Variants in CAMK4 observed in about 807,000 individuals in gnomAD.
CAMK4 encodes calcium/calmodulin dependent protein kinase IV, also known as calcium/calmodulin-dependent protein kinase type IV.
In CAMK4, 22 loss-of-function variants were observed where a neutral mutation model predicts 44.9. That is an observed-to-expected ratio of 0.49 (90% confidence interval 0.35 to 0.70). CAMK4 has a LOEUF of 0.70. Among genes scored for constraint, CAMK4 ranks in the 30% least tolerant of loss-of-function variants. CAMK4 has a pLI of 0.01. For synonymous variants in CAMK4, 218 were observed against 215.4 expected (o/e 1.01, Z -0.11); for missense variants, 498 against 586.8 (o/e 0.85, Z 1.56).
At chr5:111,481,652 T>C (rs906170278) in intron 9 of CAMK4, among the ~76,000 whole-genome samples, 21 of 152,156 alleles carry the variant, frequency 1.4e-4, no homozygotes, top group Non-Finnish European at 3.1e-4. Context: ...TACAGGGAGA[T>C]TGACCACCTT....
intron 1 of CAMK4, among the ~76,000 whole-genome samples, chr5:111,257,538 A>G (rs1749793522): frequency 6.6e-6 from 1 of 152,226 alleles, no homozygotes; most frequent in Non-Finnish European, 1.5e-5. Flanking sequence ...ATGCTTTTAC[A>G]CTGTTGGTGG....
chr5:111,336,023 C>G (rs1030246478), intron 1 of CAMK4, among the ~76,000 whole-genome samples: 111 of 151,308 alleles, frequency 7.3e-4, no homozygotes, highest in African/African-American at 2.6e-3. Context: ...TTCTAGAATT[C>G]CTGTTAAAAC....
At chr5:111,333,138 G>A (rs1749244179) in intron 1 of CAMK4, among the ~76,000 whole-genome samples, 1 of 151,570 alleles carries the variant, frequency 6.6e-6, no homozygotes, top group African/African-American at 2.4e-5. Context: ...TTGAAGGTAT[G>A]GAGATGGAAT....
chr5:111,247,570 A>G (rs1327930048), intron 1 of CAMK4, among the ~76,000 whole-genome samples: 2 of 151,694 alleles, frequency 1.3e-5, no homozygotes, highest in African/African-American at 4.8e-5. Flanking sequence ...TGGGAAGGCT[A>G]GCAAGTCAGA....
At chr5:111,280,334 A>T (rs1219355109) in intron 1 of CAMK4, among the ~76,000 whole-genome samples, 2 of 152,184 alleles carry the variant, frequency 1.3e-5, no homozygotes, top group African/African-American at 4.8e-5. Context: ...CACTGGACAA[A>T]CATTGTGCTG....
At chr5:111,465,759 G>A (rs901016187) in intron 7 of CAMK4, among the ~76,000 whole-genome samples, 1 of 152,150 alleles carries the variant, frequency 6.6e-6, no homozygotes, top group Non-Finnish European at 1.5e-5. Context: ...ATTCACAGCT[G>A]AATTCTATCA....
chr5:111,458,505 A>G (rs1303202944), intron 7 of CAMK4, among the ~76,000 whole-genome samples: 1 of 152,180 alleles, frequency 6.6e-6, no homozygotes, highest in Non-Finnish European at 1.5e-5. Context: ...GCACTGTTGT[A>G]TGTTGTAAAG....
intron 1 of CAMK4, among the ~76,000 whole-genome samples, chr5:111,251,781 T>G (rs907172872): frequency 6.6e-6 from 1 of 152,212 alleles, no homozygotes; most frequent in Non-Finnish European, 1.5e-5. Flanking sequence ...CAATATGTAT[T>G]CACTAATGAA....
chr5:111,369,849 T>C (rs949649205), intron 2 of CAMK4, among the ~76,000 whole-genome samples: 5 of 152,210 alleles, frequency 3.3e-5, no homozygotes, highest in Non-Finnish European at 7.3e-5. Flanking sequence ...ACAGTTGTTA[T>C]ACTGTATTTT....
chr5:111,311,486 G>A (rs1284835371), intron 1 of CAMK4, among the ~76,000 whole-genome samples: 1 of 152,168 alleles, frequency 6.6e-6, no homozygotes, highest in Admixed American at 6.5e-5. Flanking sequence ...AGGAAGGTGG[G>A]TGCAGAAGAG....
At chr5:111,301,144 A>G (rs1305624825) in intron 1 of CAMK4, among the ~76,000 whole-genome samples, 1 of 151,634 alleles carries the variant, frequency 6.6e-6, no homozygotes, top group Non-Finnish European at 1.5e-5. Flanking sequence ...TCCTTAACGT[A>G]CTAGGTCTGG....
chr5:111,475,845 G>A (rs1385045827), intron 8 of CAMK4, among the ~76,000 whole-genome samples: 1 of 152,268 alleles, frequency 6.6e-6, no homozygotes, highest in African/African-American at 2.4e-5. Context: ...TTGGTTTAAT[G>A]TACATTTAGT....
At chr5:111,416,714 A>T (rs541390770) in intron 5 of CAMK4, among the ~76,000 whole-genome samples, 183 of 152,342 alleles carry the variant, frequency 1.2e-3, no homozygotes, top group African/African-American at 4.1e-3. Context: ...CATAGAAGGC[A>T]TTCAAAAACC....
intron 1 of CAMK4, among the ~76,000 whole-genome samples, chr5:111,232,404 G>C (rs975012861): frequency 6.6e-6 from 1 of 152,080 alleles, no homozygotes; most frequent in South Asian, 2.1e-4. Flanking sequence ...TTAATAGGTA[G>C]AGCACTGGCA....
intron 1 of CAMK4, among the ~76,000 whole-genome samples, chr5:111,328,475 G>A (rs1288268156): frequency 6.6e-6 from 1 of 152,082 alleles, no homozygotes; most frequent in Non-Finnish European, 1.5e-5. Flanking sequence ...TTTGGCTTAG[G>A]AGTGACTTGG....
At chr5:111,321,123 G>C (rs1748645179) in intron 1 of CAMK4, among the ~76,000 whole-genome samples, 1 of 152,096 alleles carries the variant, frequency 6.6e-6, no homozygotes, top group Non-Finnish European at 1.5e-5. Flanking sequence ...TGGTTACCAG[G>C]AACTCCCACT....
At chr5:111,232,926 C>T (rs185148431) in intron 1 of CAMK4, among the ~76,000 whole-genome samples, 1 of 152,194 alleles carries the variant, frequency 6.6e-6, no homozygotes, top group African/African-American at 2.4e-5. Flanking sequence ...TGATGCAGCT[C>T]TACCCTCTGC....
At chr5:111,243,183 G>C (rs1341994877) in intron 1 of CAMK4, among the ~76,000 whole-genome samples, 1 of 152,214 alleles carries the variant, frequency 6.6e-6, no homozygotes, top group Admixed American at 6.5e-5. Flanking sequence ...GAAAGATTGG[G>C]CTTAACTCCA....
At chr5:111,375,053 C>G (rs1180090070) in intron 3 of CAMK4, 141 bp downstream of exon 3, 1 of 603,688 alleles carries the variant, frequency 1.7e-6, no homozygotes, top group East Asian at 2.8e-5. Context: ...GTCCTCATCT[C>G]ATCACCTTTT....
Sources: allele counts gnomAD v4.1 joint callset (sites outside exome capture counted in the v4.1 genomes callset), GRCh38; gene constraint gnomAD v4.1.1; transcripts MANE v1.5; gene names NCBI Gene and HGNC (gene_info 2026-07-23, HGNC 2026-07-21).